The following ARHGAP26 variants were observed in gnomAD, a reference collection of about 807,000 sequenced individuals.
The protein encoded by ARHGAP26 is Rho GTPase activating protein 26.
In ARHGAP26, 38 loss-of-function variants were observed where a neutral mutation model predicts 104.8. The ratio of observed to expected loss-of-function variants is 0.36; its 90% CI spans 0.28 to 0.48. The LOEUF (loss-of-function observed/expected upper bound fraction) is 0.48, where lower values mean the gene tolerates loss of function less well. Among genes scored for constraint, ARHGAP26 ranks in the 20% least tolerant of loss-of-function variants. The pLI is 0.99. For missense variants in ARHGAP26, 704 were observed against 947.9 expected (o/e 0.74, Z 3.38); for synonymous variants, 341 against 340.0 (o/e 1.00, Z -0.03).
At chr5:143,013,070 C>G (rs1779113352) in intron 11 of ARHGAP26, among the ~76,000 whole-genome samples, 2 of 152,018 alleles carry the variant, frequency 1.3e-5, no homozygotes, top group African/African-American at 4.8e-5. Flanking sequence ...TTTGTAGAGC[C>G]CATAAGCCAA....
Position 142,810,691 on chromosome 5 carries a change from A to AT in ARHGAP26, c.154+39782dup, listed in dbSNP as rs556954483. 3.5e-3 allele frequency among the ~76,000 whole-genome samples: 534 copies of AT among 152,230 alleles called. 8 individuals are homozygous for AT. The highest frequency in any genetic ancestry group is 0.012 in the African/African-American group (509 of 41,548). ...TGAAACTGTAGTCAATTCTGTTTTG[A>AT]TTTTTTGCTACATTGATGTAATACC... On this transcript the variant is annotated intron_variant, in intron 1 of 22. Coordinates refer to ENST00000645722, the MANE Select transcript of ARHGAP26 (RefSeq NM_001135608.3).
At chr5:142,885,542 G>A (rs1757580410) in intron 5 of ARHGAP26, 143 bp downstream of exon 5, 1 of 639,456 alleles carries the variant, frequency 1.6e-6, no homozygotes, top group South Asian at 1.9e-5. Context: ...CCCTCATCCA[G>A]TGCCTGATGC....
At chr5:142,906,230 T>G (rs1236592354) in intron 8 of ARHGAP26, among the ~76,000 whole-genome samples, 9 of 152,180 alleles carry the variant, frequency 5.9e-5, no homozygotes, top group Admixed American at 5.9e-4. Flanking sequence ...GTCAAGGTAT[T>G]GTCTGGTTTC....
chr5:143,014,346 T>C (rs556327492), intron 12 of ARHGAP26: 1 of 587,610 alleles, frequency 1.7e-6, no homozygotes, highest in Admixed American at 3.0e-5. Context: ...TGCATTGAAA[T>C]AATGGGTCAC....
rs1177561293 is a variant in ARHGAP26 at position 143,056,359 on chromosome 5, G to A, written c.1432+273G>A. On this transcript the variant is annotated intron_variant, in intron 16 of 22. Coordinates refer to ENST00000645722, the MANE Select transcript of ARHGAP26 (RefSeq NM_001135608.3). ...TTTTTTTGAGGGGAGGAGGATGTTGGAGGGATAGAGAAAAACAAGTTTGCC... is the reference window on the plus strand; with the variant it reads ...TTTTTTTGAGGGGAGGAGGATGTTGAAGGGATAGAGAAAAACAAGTTTGCC... 3.4e-5 allele frequency among the ~76,000 whole-genome samples: 5 copies of A among 145,614 alleles called. No individual in the cohort carries two copies. The South Asian group carries it at 1.1e-3, about 33-fold the overall frequency.
At chr5:143,179,472 A>T (rs1599387229) in intron 20 of ARHGAP26, among the ~76,000 whole-genome samples, 1 of 152,184 alleles carries the variant, frequency 6.6e-6, no homozygotes, top group South Asian at 2.1e-4. Flanking sequence ...GGCTGTGATC[A>T]CTGCTCCTGC....
chr5:142,854,000 G>T (rs1001427678), intron 1 of ARHGAP26, among the ~76,000 whole-genome samples: 4 of 152,158 alleles, frequency 2.6e-5, no homozygotes, highest in Non-Finnish European at 4.4e-5. Context: ...AGTCAGTTTT[G>T]TTAGTTTATG....
In ARHGAP26 at chr5:142,903,606, C is replaced by A; in HGVS notation, c.769C>A (p.Pro257Thr). ...ESLMKKMKEN[P>T]LEHKTISPYT... ...ACTGATGAAAAAGATGAAGGAGAAT[C>A]CCCTTGAGCACAAGACCATCAGTCC... is the stretch of plus-strand genomic sequence containing the variant. The change falls in exon 8 of 23, where the codon CCC (proline) becomes ACC (threonine). Residue 257 changes from proline to threonine, a missense_variant. This residue lies in a region of ARHGAP26 where 287 missense variants were observed against 438.8 expected (regional missense o/e 0.65). Transcript: ENST00000645722. 1 of 1,613,980 alleles carries A rather than the reference C, an allele frequency of 6.2e-7. No individual in the cohort carries two copies. Among genetic ancestry groups the A allele is most frequent in the Non-Finnish European group, 8.5e-7 (1 of 1,179,918 alleles).
intron 1 of ARHGAP26, among the ~76,000 whole-genome samples, chr5:142,837,685 G>A (rs556423167): frequency 1.1e-4 from 16 of 152,222 alleles, no homozygotes; most frequent in African/African-American, 1.9e-4. Flanking sequence ...TGAGTATTTC[G>A]TAAGATCCCT....
At chr5:142,883,201 C>CTCA (rs1437193221) in intron 4 of ARHGAP26, among the ~76,000 whole-genome samples, 2 of 152,170 alleles carry the variant, frequency 1.3e-5, no homozygotes, top group African/African-American at 4.8e-5. Context: ...ATGCCAGTGA[C>CTCA]TCATGTTCCC....
Position 143,091,057 on chromosome 5 carries a change from G to C in ARHGAP26, c.1539-29931G>C, listed in dbSNP as rs116022158. 8.1e-3 allele frequency among the ~76,000 whole-genome samples: 1,234 copies of C among 152,296 alleles called. 15 individuals are homozygous for C. The highest frequency in any genetic ancestry group is 0.028 in the African/African-American group (1,149 of 41,552). On this transcript the variant is annotated intron_variant, in intron 17 of 22. Coordinates refer to ENST00000645722, the MANE Select transcript of ARHGAP26 (RefSeq NM_001135608.3). Reference sequence around the variant, plus strand: ...TAATAACTAGATGGTCAGCAATAGAGCGAGTAAAGAAAAAAGAGTAATAGA... The same window carrying C: ...TAATAACTAGATGGTCAGCAATAGACCGAGTAAAGAAAAAAGAGTAATAGA...
rs1215378331 is a variant in ARHGAP26 at position 143,193,264 on chromosome 5, T to TC, written c.1989-13934_1989-13933insC. ...TCTTTTTTTTTTTTTTTTTTTTTTT[T>TC]TGAGGCAGAGTCTCGCTCTGTCACC... On this transcript the variant is annotated intron_variant, in intron 20 of 22. Transcript: ENST00000645722. Among the ~76,000 whole-genome samples, 6 of 125,858 alleles carry TC rather than the reference T, an allele frequency of 4.8e-5. No individual in the cohort carries two copies. The East Asian group carries it at 1.4e-3, about 30-fold the overall frequency. The allele number at this position is 125,858 out of a possible 152,430, so 82.6% of individuals were successfully genotyped here.
chr5:142,943,201 A>G (rs75055128), intron 11 of ARHGAP26, among the ~76,000 whole-genome samples: 5,869 of 152,294 alleles, frequency 0.039, 125 homozygotes, highest in Middle Eastern at 0.058. Flanking sequence ...AAATCTTTAG[A>G]TAAACCTAGG....
At chr5:143,140,565 G>A (rs775943817) in intron 19 of ARHGAP26, among the ~76,000 whole-genome samples, 13 of 152,110 alleles carry the variant, frequency 8.5e-5, no homozygotes, top group Non-Finnish European at 1.6e-4. Context: ...TTATCATCAC[G>A]CTGTAGTTGT....
Position 143,016,680 on chromosome 5 carries a change from G to A in ARHGAP26, c.1144+2564G>A, listed in dbSNP as rs10452526. ...ATCGTGCTATTGCACTCCATCCTGG[G>A]CAATAGACTGAGACTCTGTCTCAAA... On this transcript the variant is annotated intron_variant, in intron 12 of 22. Coordinates refer to ENST00000645722, the MANE Select transcript of ARHGAP26 (RefSeq NM_001135608.3). 1.2e-3 allele frequency among the ~76,000 whole-genome samples: 161 copies of A among 131,470 alleles called. 1 individual carries two copies. Among genetic ancestry groups the A allele is most frequent in the African/African-American group, 4.5e-3 (156 of 34,628 alleles). 86.2% of individuals were successfully genotyped at this position (131,470 alleles called of 152,430 possible).
intron 4 of ARHGAP26, among the ~76,000 whole-genome samples, chr5:142,881,109 T>G (rs1209816961): frequency 6.6e-6 from 1 of 152,176 alleles, no homozygotes; most frequent in East Asian, 1.9e-4. Context: ...TTCCTGGCAG[T>G]GCAGGCCCTG....
intron 17 of ARHGAP26, among the ~76,000 whole-genome samples, chr5:143,101,726 T>C (rs1396293514): frequency 6.6e-6 from 1 of 152,190 alleles, no homozygotes; most frequent in Non-Finnish European, 1.5e-5. Flanking sequence ...GGGAACTGGA[T>C]TAATTTTTTT....
At chr5:142,926,480 C>G (rs1323938226) in intron 10 of ARHGAP26, among the ~76,000 whole-genome samples, 2 of 152,346 alleles carry the variant, frequency 1.3e-5, no homozygotes, top group East Asian at 1.9e-4. Context: ...TGCTCCTTCT[C>G]TCATCTGGCG....
At chr5:143,142,243 A>C (rs1798640305) in intron 19 of ARHGAP26, among the ~76,000 whole-genome samples, 1 of 145,828 alleles carries the variant, frequency 6.9e-6, no homozygotes, top group Admixed American at 7.1e-5. Flanking sequence ...GGTTCAAGTG[A>C]TTCTCCCGCC....
Sources: allele counts gnomAD v4.1 joint callset (sites outside exome capture counted in the v4.1 genomes callset), GRCh38; gene constraint gnomAD v4.1.1; regional missense constraint gnomAD v4.1.1; transcripts MANE v1.5; gene names NCBI Gene and HGNC (gene_info 2026-07-23, HGNC 2026-07-21).